The following DNASE1 variants were observed in gnomAD, a reference collection of about 807,000 sequenced individuals.
The protein encoded by DNASE1 is deoxyribonuclease-1.
DNASE1 carries 40 observed loss-of-function variants against 33.9 expected under a neutral mutation model. The ratio of observed to expected loss-of-function variants is 1.18; its 90% CI spans 0.92 to 1.54. DNASE1 has a LOEUF of 1.54. DNASE1 is among the 40% of genes most tolerant of loss of function. The pLI, the probability that DNASE1 is intolerant of heterozygous loss-of-function variation, is 0.00. For synonymous variants in DNASE1, 216 were observed against 160.0 expected, an observed-to-expected ratio of 1.35 and a Z score of -2.64; for missense variants, 518 against 372.6, an observed-to-expected ratio of 1.39 and a Z score of -3.21.
At chr16:3,641,001 G>A (rs1012042262), upstream of DNASE1, 13 of 398,536 alleles carry the variant, frequency 3.3e-5, no homozygotes, top group South Asian at 1.3e-4. Context: ...AGGGCCACTC[G>A]GATGTGGTCA....
chr16:3,659,121 G>A, downstream of DNASE1: 1 of 418,994 alleles, frequency 2.4e-6, no homozygotes. Flanking sequence ...AGGGACAAAA[G>A]GAGCTTAGTA....
chr16:3,662,698 C>T, downstream of DNASE1: 1 of 702,550 alleles, frequency 1.4e-6, no homozygotes, highest in East Asian at 2.7e-5. Flanking sequence ...CACGGCCTTC[C>T]TGCCTCAGCG....
At chr16:3,665,265 C>T (rs1394335077) in exon 10 of DNASE1, 1 of 152,224 alleles carries the variant, frequency 6.6e-6, no homozygotes, top group Non-Finnish European at 1.5e-5. Context: ...CACACGTGGT[C>T]ACCCTCCTCC....
upstream of DNASE1, chr16:3,641,293 C>T (rs61365736): frequency 5.1e-6 from 1 of 197,664 alleles, no homozygotes; most frequent in East Asian, 1.1e-4. Context: ...TCCCCAGAGC[C>T]CTGCGATTCC....
At chr16:3,659,153 C>G, downstream of DNASE1, 2 of 318,088 alleles carry the variant, frequency 6.3e-6, no homozygotes, top group Non-Finnish European at 1.2e-5. Context: ...GCCTTGGTTC[C>G]TAGATAAATA....
chr16:3,630,834 T>A (rs796367765), intron 1 of DNASE1, among the ~76,000 whole-genome samples: 55 of 152,156 alleles, frequency 3.6e-4, no homozygotes, highest in African/African-American at 1.3e-3. Flanking sequence ...AGACCCTGTC[T>A]CTCTAAAAAT....
At chr16:3,613,193 T>G (rs549579482) in intron 1 of DNASE1, among the ~76,000 whole-genome samples, 5 of 152,188 alleles carry the variant, frequency 3.3e-5, no homozygotes, top group African/African-American at 9.7e-5. Flanking sequence ...TCTGTGGTTT[T>G]GCGTATTCAG....
At chr16:3,653,391 T>G (rs1388195365), upstream of DNASE1, 1 of 152,146 alleles carries the variant, frequency 6.6e-6, no homozygotes, top group Non-Finnish European at 1.5e-5. Flanking sequence ...AGGAAATGAA[T>G]ACGAATGGAA....
upstream of DNASE1, chr16:3,652,990 G>C (rs1185419191): frequency 6.6e-6 from 1 of 152,264 alleles, no homozygotes; most frequent in Non-Finnish European, 1.5e-5. Context: ...AAGTGGGCAA[G>C]ACCCAGGGGT....
At chr16:3,633,810 TTTA>T (rs2041780132) in intron 1 of DNASE1, among the ~76,000 whole-genome samples, 1 of 152,044 alleles carries the variant, frequency 6.6e-6, no homozygotes, top group Non-Finnish European at 1.5e-5. Flanking sequence ...AATTATTATT[TTTA>T]TTATTATTTT....
upstream of DNASE1, among the ~76,000 whole-genome samples, chr16:3,641,863 G>C (rs1479393415): frequency 6.6e-6 from 1 of 152,178 alleles, no homozygotes; most frequent in East Asian, 1.9e-4. Flanking sequence ...CAGGGGCCGG[G>C]GACCAGTGGC....
chr16:3,647,052 C>T (rs760184723), intron 1 of DNASE1, among the ~76,000 whole-genome samples: 1 of 152,136 alleles, frequency 6.6e-6, no homozygotes, highest in East Asian at 1.9e-4. Context: ...TGAGACAAAG[C>T]CCCTGCTTCA....
downstream of DNASE1, chr16:3,658,114 C>T: frequency 1.4e-5 from 23 of 1,613,600 alleles, no homozygotes; most frequent in Non-Finnish European, 1.9e-5. Flanking sequence ...GTCAGTCCTT[C>T]TGGCCCCCTG....
chr16:3,656,560 C>T (rs2010584), intron 4 of DNASE1, 78 bp from the exon 5 acceptor site: 25 of 1,310,772 alleles, frequency 1.9e-5, no homozygotes, highest in South Asian at 2.5e-5. Flanking sequence ...GCCTGGGACG[C>T]GACGCCTGCC....
upstream of DNASE1, among the ~76,000 whole-genome samples, chr16:3,641,903 C>T (rs1001297047): frequency 2.0e-5 from 3 of 152,232 alleles, no homozygotes; most frequent in African/African-American, 7.2e-5. Context: ...ACTGTGGAAC[C>T]AGCCTTCCCA....
At chr16:3,651,591 C>CA (rs377560463), upstream of DNASE1, 20 of 152,456 alleles carry the variant, frequency 1.3e-4, no homozygotes, top group African/African-American at 4.3e-4. Context: ...GGAATGTGGG[C>CA]AGAAGCGACA....
At chr16:3,613,145 G>T (rs529812562) in intron 1 of DNASE1, among the ~76,000 whole-genome samples, 1 of 151,936 alleles carries the variant, frequency 6.6e-6, no homozygotes, top group Admixed American at 6.5e-5. Context: ...CAATTCCCCC[G>T]ACCCCATCCC....
At chr16:3,641,325 A>T (rs986647559), upstream of DNASE1, 1 of 171,000 alleles carries the variant, frequency 5.8e-6, no homozygotes, top group Non-Finnish European at 1.2e-5. Flanking sequence ...AGGCTTGTAG[A>T]CGCCTTGCCT....
chr16:3,663,871 A>G (rs117203957), exon 10 of DNASE1: 20,787 of 384,146 alleles, frequency 0.054, 719 homozygotes, highest in Non-Finnish European at 0.063. Context: ...CAGGAGTTCG[A>G]GACCAACATG....
Sources: allele counts gnomAD v4.1 joint callset (sites outside exome capture counted in the v4.1 genomes callset), GRCh38; gene constraint gnomAD v4.1.1; transcripts MANE v1.5; gene names NCBI Gene and HGNC (gene_info 2026-07-23, HGNC 2026-07-21).